The following CEP164 variants were observed in gnomAD, a reference collection of about 807,000 sequenced individuals.
CEP164 encodes the protein centrosomal protein of 164 kDa.
A neutral mutation model predicts 182.7 loss-of-function variants in CEP164; 162 were observed. That is an observed-to-expected ratio of 0.89 (90% CI 0.78 to 1.01). The LOEUF is 1.01. Among genes scored for constraint, CEP164 ranks in the 50% least tolerant of loss-of-function variants. The probability of loss-of-function intolerance (pLI) is 0.00; values close to 1 mark genes in which losing one functional copy is unlikely to be tolerated. For missense variants in CEP164, 1,735 were observed against 1,790.4 expected, an observed-to-expected ratio of 0.97 and a Z score of 0.56; for synonymous variants, 661 against 690.0, an observed-to-expected ratio of 0.96 and a Z score of 0.66.
chr11:117,401,017 T>G (rs2046074269), intron 27 of CEP164, among the ~76,000 whole-genome samples: 1 of 152,178 alleles, frequency 6.6e-6, no homozygotes. Flanking sequence ...GAACTTCCAA[T>G]ACTGTGTTGA....
intron 14 of CEP164, chr11:117,386,851 T>C (rs1160294256): frequency 4.3e-5 from 11 of 257,402 alleles, no homozygotes; most frequent in Non-Finnish European, 7.5e-6. Context: ...TGAGCCATTC[T>C]AGGAAGGAAT....
chr11:117,344,200 T>G lies in CEP164; in HGVS notation c.117T>G (p.Asp39Glu). 1 of 1,613,498 alleles carries G rather than the reference T, an allele frequency of 6.2e-7. No homozygotes were observed. The highest frequency in any genetic ancestry group is 8.5e-7 in the Non-Finnish European group (1 of 1,179,722). Residue 39 changes from aspartate (D) to glutamate (E), a missense_variant, in exon 4 of 33, where the codon GAT becomes GAG. By Grantham distance (45) the Asp-to-Glu change is conservative. Coordinates refer to ENST00000278935, the MANE Select transcript of CEP164 (RefSeq NM_014956.5). ...AATTTGCCCGGGAGATTGGTATTGA[T>G]CCCATCAAGGAACCAGAACTGATGT... ...ILEFAREIGI[D>E]PIKEPELMWL...
chr11:117,403,072 G>A (rs1027842459), intron 27 of CEP164, among the ~76,000 whole-genome samples: 5 of 152,178 alleles, frequency 3.3e-5, no homozygotes, highest in South Asian at 4.2e-4. Flanking sequence ...CTTTGCACAC[G>A]AGGTGGGTCT....
At chr11:117,408,123 G>A in intron 28 of CEP164, 91 bp downstream of exon 28, 1 of 952,980 alleles carries the variant, frequency 1.0e-6, no homozygotes, top group South Asian at 1.5e-5. Context: ...TGCATCCGGG[G>A]GAGTTGGGCC....
rs376102646 is a variant in CEP164 at position 117,409,142 on chromosome 11, C to T, written c.3748+114C>T. 4.5e-5 allele frequency: 63 copies of T among 1,395,798 alleles called. No homozygotes were observed. Among genetic ancestry groups the T allele is most frequent in the East Asian group, 4.1e-4 (17 of 41,308 alleles). 86.5% of individuals were successfully genotyped at this position (1,395,798 alleles called of 1,614,324 possible). A position where few individuals can be genotyped will look rare whatever the true frequency, so the allele number is the denominator to read the frequency against. On this transcript the variant is annotated intron_variant, in intron 29 of 32. Coordinates refer to ENST00000278935, the MANE Select transcript of CEP164 (RefSeq NM_014956.5). This position sits in a 1 kb window ranked among gnomAD's most constrained non-coding sequence, Gnocchi z 4.4. ...CCTGCAGAGGGAGGCCTCTGTGAGCCGGTGTCTGGACTAGGTGCTCGGTCA... is the reference window on the plus strand; with the variant it reads ...CCTGCAGAGGGAGGCCTCTGTGAGCTGGTGTCTGGACTAGGTGCTCGGTCA...
intron 28 of CEP164, among the ~76,000 whole-genome samples, chr11:117,408,280 G>A (rs1228090474): frequency 6.6e-6 from 1 of 152,206 alleles, no homozygotes; most frequent in Non-Finnish European, 1.5e-5. Flanking sequence ...TGCTAAAGGT[G>A]CCTGAGAAGA....
chr11:117,347,985 T>G (rs1175086769), intron 4 of CEP164, among the ~76,000 whole-genome samples: 2 of 152,004 alleles, frequency 1.3e-5, no homozygotes, highest in Non-Finnish European at 2.9e-5. Context: ...TGTTGTTGTT[T>G]TTGAGATAGA....
Position 117,380,700 on chromosome 11 carries a change from G to GGA in CEP164, c.1408_1409dup (p.Leu471GlyfsTer123). 1 of 1,602,764 alleles carries GGA rather than the reference G, an allele frequency of 6.2e-7. No individual in the cohort carries two copies. Among genetic ancestry groups the GGA allele is most frequent in the Middle Eastern group, 1.8e-4 (1 of 5,408 alleles). On this transcript the variant is annotated frameshift_variant, in exon 12 of 33. Transcript: ENST00000278935. LOFTEE classifies it high-confidence loss of function. Reference sequence around the variant, plus strand: ...AGAGCAAGCAGTCCAAAGGCCTGGAGGAGAGGTACCATAGGTGGGAGGCTA... The same window carrying GGA: ...AGAGCAAGCAGTCCAAAGGCCTGGAGGAGAGAGGTACCATAGGTGGGAGGCTA...
At position 117,381,655 on chromosome 11, in the gene CEP164, T is replaced by G. The variant is rs568788850; in HGVS notation, c.1410-46T>G. 79 of 1,575,296 alleles carry G rather than the reference T, an allele frequency of 5.0e-5. No homozygotes were observed. The African/African-American group carries it at 7.3e-4, about 15-fold the overall frequency. On this transcript the variant is annotated intron_variant, in intron 12 of 32. Transcript: ENST00000278935. The stretch of plus-strand genomic sequence containing the variant: ...GTACTCCCCAGTTCTCTTCCCGCTC[T>G]CCAAATGGAGGGGCCTGACTCTGCT...
chr11:117,356,976 T>C (rs2040373271), intron 5 of CEP164, among the ~76,000 whole-genome samples: 4 of 152,136 alleles, frequency 2.6e-5, no homozygotes, highest in African/African-American at 9.7e-5. Flanking sequence ...TTTGGGAAGT[T>C]TTTCCTATCA....
intron 24 of CEP164, 101 bp from the exon 25 acceptor site, chr11:117,395,953 G>A: frequency 6.6e-7 from 1 of 1,521,184 alleles, no homozygotes; most frequent in Non-Finnish European, 9.0e-7. Flanking sequence ...CAGGGACTTT[G>A]ACGGATGGGA....
chr11:117,383,507 A>G (rs753552002), intron 14 of CEP164, among the ~76,000 whole-genome samples: 2 of 152,170 alleles, frequency 1.3e-5, no homozygotes, highest in African/African-American at 4.8e-5. Context: ...CTTCACATAC[A>G]TGGAATTATA....
chr11:117,401,168 C>T (rs1264908049), intron 27 of CEP164, among the ~76,000 whole-genome samples: 1 of 152,130 alleles, frequency 6.6e-6, no homozygotes, highest in Non-Finnish European at 1.5e-5. Flanking sequence ...TCCCTCAATA[C>T]CTAGTTTATT....
chr11:117,355,901 C>CGT, intron 5 of CEP164: 1 of 1,040,804 alleles, frequency 9.6e-7, no homozygotes, highest in Non-Finnish European at 1.2e-6. Flanking sequence ...AGGGAGGGCT[C>CGT]CCGAGGAGCC....
intron 20 of CEP164, 132 bp downstream of exon 20, chr11:117,393,258 G>T: frequency 7.1e-7 from 1 of 1,401,720 alleles, no homozygotes. Context: ...CTGGCTGTGG[G>T]GCAGAGGAAG....
rs560402310 is a variant in CEP164 at position 117,383,270 on chromosome 11, A to G, written c.1724+328A>G. ...TACCAAGCACTGTTTTTCTCTTCAAAAATGTTGTTGAGGTATGTATGTACA... is the reference window on the plus strand; with the variant it reads ...TACCAAGCACTGTTTTTCTCTTCAAGAATGTTGTTGAGGTATGTATGTACA... On this transcript the variant is annotated intron_variant, in intron 14 of 32. Coordinates refer to ENST00000278935, the MANE Select transcript of CEP164 (RefSeq NM_014956.5). Among the ~76,000 whole-genome samples, 6 of 152,244 alleles carry G rather than the reference A, an allele frequency of 3.9e-5. No individual in the cohort carries two copies. The South Asian group carries it at 1.0e-3, about 26-fold the overall frequency.
In CEP164 at chr11:117,396,301, G is replaced by A. The variant is rs192184036; in HGVS notation, c.3216+121G>A. On this transcript the variant is annotated intron_variant, in intron 25 of 32. Coordinates refer to ENST00000278935, the MANE Select transcript of CEP164 (RefSeq NM_014956.5). ...GCTCATCAGGAGGGGTGGAGCCTCA[G>A]GAGGGGAGGAGTATAAGGTGGGCCA... 1.2e-4 allele frequency: 145 copies of A among 1,160,028 alleles called. 1 individual carries two copies. In the East Asian group the frequency reaches 3.2e-3, roughly 26 times the overall value. 71.9% of individuals were successfully genotyped at this position (1,160,028 alleles called of 1,614,324 possible). A position where few individuals can be genotyped will look rare whatever the true frequency, so the allele number is the denominator to read the frequency against.
chr11:117,393,897 G>C (rs1006202564), intron 20 of CEP164, among the ~76,000 whole-genome samples: 5 of 152,200 alleles, frequency 3.3e-5, no homozygotes, highest in Non-Finnish European at 5.9e-5. Context: ...GGACCCTGCA[G>C]GGTGTTAAGA....
At chr11:117,395,258 C>G (rs1461672633) in intron 23 of CEP164, 67 bp downstream of exon 23, 2 of 1,566,122 alleles carry the variant, frequency 1.3e-6, no homozygotes, top group Admixed American at 3.4e-5. Flanking sequence ...CTCCCTGTTC[C>G]CCACATTTTG....
Sources: allele counts gnomAD v4.1 joint callset (sites outside exome capture counted in the v4.1 genomes callset), GRCh38; gene constraint gnomAD v4.1.1; non-coding constraint Gnocchi (gnomAD v3.1); transcripts MANE v1.5; gene names NCBI Gene and HGNC (gene_info 2026-07-23, HGNC 2026-07-21).